GRID2: variants seen among roughly 807,000 people sequenced by gnomAD.
The protein encoded by GRID2 is glutamate ionotropic receptor delta type subunit 2, also known as glutamate receptor ionotropic, delta-2.
GRID2 carries 33 observed loss-of-function variants against 114.8 expected under a neutral mutation model. The ratio of observed to expected loss-of-function variants is 0.29; its 90% confidence interval spans 0.22 to 0.38. The LOEUF (loss-of-function observed/expected upper bound fraction) is 0.38. Among genes scored for constraint, GRID2 ranks in the 10% least tolerant of loss-of-function variants. The pLI is 1.00. For synonymous variants in GRID2, 505 were observed against 449.9 expected, an observed-to-expected ratio of 1.12 and a Z score of -1.55; for missense variants, 1,184 against 1,257.7, an observed-to-expected ratio of 0.94 and a Z score of 0.89.
At chr4:92,469,520 T>A (rs908418259) in intron 1 of GRID2, among the ~76,000 whole-genome samples, 4 of 152,132 alleles carry the variant, frequency 2.6e-5, no homozygotes, top group African/African-American at 7.2e-5. Flanking sequence ...ATACCATGTT[T>A]TCTATTTGTA....
At chr4:92,913,719 T>C (rs942089958) in intron 2 of GRID2, among the ~76,000 whole-genome samples, 6 of 151,994 alleles carry the variant, frequency 3.9e-5, no homozygotes, top group Admixed American at 3.9e-4. Context: ...AATAACTTAC[T>C]GGTTGAGAGA....
intron 2 of GRID2, among the ~76,000 whole-genome samples, chr4:92,600,191 C>A (rs189256406): frequency 1.8e-3 from 269 of 149,870 alleles, no homozygotes; most frequent in African/African-American, 6.3e-3. Flanking sequence ...ATAGTATTAC[C>A]TTGAATGCTA....
chr4:92,583,795 AGTAT>A (rs1274057405), intron 1 of GRID2, among the ~76,000 whole-genome samples: 1 of 150,348 alleles, frequency 6.7e-6, no homozygotes, highest in Non-Finnish European at 1.5e-5. Flanking sequence ...TATATATGTG[AGTAT>A]GTAATAAATG....
Position 93,556,863 on chromosome 4 carries a change from AG to A in GRID2, c.2193+41455del, listed in dbSNP as rs1264488906. On this transcript the variant is annotated intron_variant, in intron 13 of 15. Coordinates refer to ENST00000282020, the MANE Select transcript of GRID2 (RefSeq NM_001510.4). Reference sequence around the variant, plus strand: ...GAGAGAAAGGTTGGGTTACCCACAAAGGGAAGCCCATCAGACTAACAGCAGA... The same window carrying A: ...GAGAGAAAGGTTGGGTTACCCACAAAGGAAGCCCATCAGACTAACAGCAGA... Among the ~76,000 whole-genome samples, 4 of 152,226 alleles carry A rather than the reference AG, an allele frequency of 2.6e-5. No homozygotes were observed. The South Asian group carries it at 6.2e-4, about 24-fold the overall frequency.
At chr4:92,676,653 C>A (rs1332931822) in intron 2 of GRID2, among the ~76,000 whole-genome samples, 1 of 152,080 alleles carries the variant, frequency 6.6e-6, no homozygotes, top group Non-Finnish European at 1.5e-5. Flanking sequence ...ATATTCCCTA[C>A]ATATTTTTCA....
intron 1 of GRID2, among the ~76,000 whole-genome samples, chr4:92,382,672 T>C (rs1258094736): frequency 6.6e-6 from 1 of 151,986 alleles, no homozygotes; most frequent in Non-Finnish European, 1.5e-5. Context: ...TAAATTCACT[T>C]TCAAATTTAG....
chr4:92,519,015 C>A (rs969659065), intron 1 of GRID2, among the ~76,000 whole-genome samples: 1 of 151,752 alleles, frequency 6.6e-6, no homozygotes, highest in African/African-American at 2.4e-5. Flanking sequence ...GTAAGAAAAA[C>A]AGAATTCCAG....
chr4:93,278,414 G>C (rs778780315), intron 8 of GRID2, among the ~76,000 whole-genome samples: 3 of 151,884 alleles, frequency 2.0e-5, no homozygotes, highest in Non-Finnish European at 2.9e-5. Flanking sequence ...TGTGAGAGTA[G>C]GTCTCAGAGG....
intron 1 of GRID2, among the ~76,000 whole-genome samples, chr4:92,323,145 C>G (rs563623747): frequency 1.3e-5 from 2 of 152,140 alleles, no homozygotes; most frequent in Admixed American, 1.3e-4. Flanking sequence ...TTAAAATTTG[C>G]TTTACCTTGA....
rs530732807 is a variant in GRID2 at position 93,472,984 on chromosome 4, A to G, written c.1858+17010A>G. The stretch of plus-strand genomic sequence containing the variant: ...CACGACAGGGCTTAGTGCCTGATGG[A>G]GTGTCAAAAAACAGTAAATATATTA... On this transcript the variant is annotated intron_variant, in intron 11 of 15. Transcript: ENST00000282020. 3.0e-4 allele frequency among the ~76,000 whole-genome samples: 45 copies of G among 152,344 alleles called. No homozygotes were observed. The South Asian group carries it at 8.7e-3, about 29-fold the overall frequency.
chr4:93,780,383 G>A (rs1734456279), intron 1 of GRID2, among the ~76,000 whole-genome samples: 1 of 152,176 alleles, frequency 6.6e-6, no homozygotes, highest in South Asian at 2.1e-4. Context: ...AATTCAGCTG[G>A]ATTGGAATGA....
chr4:92,359,078 G>A (rs1013377627), intron 1 of GRID2, among the ~76,000 whole-genome samples: 1 of 151,864 alleles, frequency 6.6e-6, no homozygotes, highest in African/African-American at 2.4e-5. Context: ...TTTAGTAGAG[G>A]AAAGCTGATA....
At chr4:92,880,413 T>G (rs1383682206) in intron 2 of GRID2, among the ~76,000 whole-genome samples, 2 of 152,204 alleles carry the variant, frequency 1.3e-5, no homozygotes, top group Non-Finnish European at 2.9e-5. Context: ...AACAAATTTT[T>G]TTCCACCTTC....
intron 12 of GRID2, among the ~76,000 whole-genome samples, chr4:93,505,379 A>G (rs1160221537): frequency 1.3e-5 from 2 of 151,914 alleles, no homozygotes; most frequent in Non-Finnish European, 2.9e-5. Context: ...ATCATCCTAT[A>G]ATCAGCAGTA....
chr4:92,704,703 C>CTCTCTCTCTCTCTCTCTCTCTCTT (rs1579878262), intron 2 of GRID2, among the ~76,000 whole-genome samples: 3 of 139,746 alleles, frequency 2.1e-5, no homozygotes, highest in African/African-American at 8.3e-5. Context: ...ATCAATCAAT[C>CTCTCTCTCTCTCTCTCTCTCTCTT]TCTCTCTCTC....
intron 11 of GRID2, among the ~76,000 whole-genome samples, chr4:93,457,899 A>G (rs1723358429): frequency 6.6e-6 from 1 of 152,210 alleles, no homozygotes; most frequent in Admixed American, 6.5e-5. Flanking sequence ...CATCCAAAAG[A>G]GTATTACTAA....
intron 1 of GRID2, among the ~76,000 whole-genome samples, chr4:92,410,835 ATTTTT>A (rs5860274): frequency 1.1e-4 from 13 of 117,866 alleles, no homozygotes; most frequent in South Asian, 5.7e-4. Flanking sequence ...CTGCAAAAGC[ATTTTT>A]TTTTTTTTTT....
chr4:93,381,048 TA>T (rs1040112785), intron 8 of GRID2, among the ~76,000 whole-genome samples: 1 of 151,958 alleles, frequency 6.6e-6, no homozygotes, highest in African/African-American at 2.4e-5. Context: ...CCCCAGCCTT[TA>T]AAAAAAATTT....
rs113096695 is a variant in GRID2 at position 93,564,608 on chromosome 4, G to C, written c.2193+49197G>C. Among the ~76,000 whole-genome samples, 1,135 of 152,156 alleles carry C rather than the reference G, an allele frequency of 7.5e-3. 15 individuals are homozygous for C. Among genetic ancestry groups the C allele is most frequent in the African/African-American group, 0.025 (1,058 of 41,542 alleles). On this transcript the variant is annotated intron_variant, in intron 13 of 15. Transcript: ENST00000282020. ...TGGTACCCCTAGGCTAAAGAATAAT[G>C]AGTGTACATTTTGGGGCATCTTCTC...
Sources: gnomAD v4.1 joint callset for allele counts (sites outside exome capture counted in the v4.1 genomes callset) on GRCh38, gnomAD v4.1.1 for gene constraint, MANE v1.5 for transcripts, NCBI Gene and HGNC (gene_info 2026-07-23, HGNC 2026-07-21) for gene names.